SPPL2B: variants seen among roughly 807,000 people sequenced by gnomAD.
The protein encoded by SPPL2B is signal peptide peptidase-like 2B.
SPPL2B carries 39 observed loss-of-function variants against 59.7 expected under a neutral mutation model. The observed-to-expected ratio is 0.65, with a 90% CI of 0.51 to 0.85. The LOEUF (loss-of-function observed/expected upper bound fraction) is 0.85, where lower values mean the gene tolerates loss of function less well. Among genes scored for constraint, SPPL2B ranks in the 40% least tolerant of loss-of-function variants. The probability of loss-of-function intolerance (pLI) is 0.00; values close to 1 mark genes in which losing one functional copy is unlikely to be tolerated. For missense variants in SPPL2B, 865 were observed against 849.0 expected (o/e 1.02, Z -0.23); for synonymous variants, 419 against 370.8 (o/e 1.13, Z -1.49).
At position 2,344,077 on chromosome 19, in the gene SPPL2B, C is replaced by T. The variant is rs755858226; in HGVS notation, c.1113+38C>T. The stretch of plus-strand genomic sequence containing the variant: ...CTGTCCCTGCTCCACCCCATCACCC[C>T]GCTCCCCCGCCCCCTCGCAACCCCC... On this transcript the variant is annotated intron_variant, in intron 10 of 14. Coordinates refer to ENST00000613503, the MANE Select transcript of SPPL2B (RefSeq NM_152988.3). The T allele has an allele frequency of 1.0e-4, 145 of 1,427,142 alleles. 1 individual carries two copies. The highest frequency in any genetic ancestry group is 2.5e-4 in the Middle Eastern group (1 of 4,074). The allele number at this position is 1,427,142 out of a possible 1,614,324, so 88.4% of individuals were successfully genotyped here. A position where few individuals can be genotyped will look rare whatever the true frequency, so the allele number is the denominator to read the frequency against.
Position 2,337,582 on chromosome 19 carries a change from G to T in SPPL2B, c.326G>T (p.Gly109Val), listed in dbSNP as rs754719122. The change falls in exon 3 of 15, where the codon GGC becomes GTC. Residue 109 changes from glycine to valine, a missense_variant. Coordinates refer to ENST00000613503, the MANE Select transcript of SPPL2B (RefSeq NM_152988.3). ...TFYEKVRLAQ[G>V]SGARGLLIVS... is the part of the protein sequence containing the mutation. The stretch of plus-strand genomic sequence containing the variant: ...TATGAGAAAGTGAGGCTGGCCCAGG[G>T]CAGCGGAGCACGCGGGCTGCTCATC... The T allele has an allele frequency of 1.3e-5, 21 of 1,605,810 alleles. No homozygotes were observed. In the Admixed American group the frequency reaches 3.5e-4, roughly 27 times the overall value.
chr19:2,335,763 C>T (rs937011010), intron 2 of SPPL2B, among the ~76,000 whole-genome samples: 5 of 152,130 alleles, frequency 3.3e-5, no homozygotes, highest in African/African-American at 1.2e-4. Flanking sequence ...CCTCAGGCCC[C>T]GCCTCCTTTC....
intron 3 of SPPL2B, 189 bp from the exon 4 acceptor site, chr19:2,338,563 C>T (rs1007412894): frequency 1.3e-5 from 7 of 551,194 alleles, no homozygotes; most frequent in African/African-American, 7.7e-5. Flanking sequence ...TGATGCCCTT[C>T]GGCCTCCCTG....
In SPPL2B at chr19:2,341,007, G is replaced by A. The variant is rs763055209; in HGVS notation, c.949G>A (p.Glu317Lys). The A allele has an allele frequency of 1.2e-5, 20 of 1,603,408 alleles. No homozygotes were observed. The highest frequency in any genetic ancestry group is 4.4e-5 in the South Asian group (4 of 91,068). ...VSVVWGVFRN[E>K]DQWAWVLQDA... is the part of the protein sequence containing the mutation. The stretch of plus-strand genomic sequence containing the variant: ...CGTGGTGTGGGGCGTCTTCCGCAAC[G>A]AGGACCAGTAAGTGCTGCTTCCCCC... The change falls in exon 8 of 15, where the codon GAG (glutamate) becomes AAG (lysine). Residue 317 changes from glutamate (E) to lysine (K), a missense_variant. Coordinates refer to ENST00000613503, the MANE Select transcript of SPPL2B (RefSeq NM_152988.3).
intron 7 of SPPL2B, 104 bp from the exon 8 acceptor site, chr19:2,340,794 G>T: frequency 1.5e-6 from 1 of 645,710 alleles, no homozygotes; most frequent in East Asian, 2.7e-5. Context: ...CAGAGTGGGG[G>T]CTGCCACTCT....
At chr19:2,350,434 G>C (rs578163458) in intron 13 of SPPL2B, among the ~76,000 whole-genome samples, 1 of 147,818 alleles carries the variant, frequency 6.8e-6, no homozygotes, top group Non-Finnish European at 1.5e-5. Context: ...ACACACTCGC[G>C]CTCTCATTCG....
chr19:2,334,863 C>T (rs1968473329), intron 2 of SPPL2B, 142 bp downstream of exon 2: 3 of 1,124,236 alleles, frequency 2.7e-6, no homozygotes, highest in Non-Finnish European at 3.6e-6. Flanking sequence ...CTTAGCTGGC[C>T]CCCAGTTCCC....
At chr19:2,338,470 T>C (rs1485478675) in intron 3 of SPPL2B, 4 of 363,752 alleles carry the variant, frequency 1.1e-5, no homozygotes, top group South Asian at 3.6e-5. Flanking sequence ...AGGACTTGTA[T>C]GTGCGGTTCG....
At chr19:2,334,190 G>A (rs1241266239) in intron 1 of SPPL2B, among the ~76,000 whole-genome samples, 1 of 152,212 alleles carries the variant, frequency 6.6e-6, no homozygotes, top group Non-Finnish European at 1.5e-5. Context: ...CCCAGGCTGG[G>A]GGCCAGGTCC....
At chr19:2,341,064 C>A in intron 8 of SPPL2B, 50 bp downstream of exon 8, 1 of 1,305,770 alleles carries the variant, frequency 7.7e-7, no homozygotes, top group Non-Finnish European at 1.1e-6. Context: ...TCCTCGGGTG[C>A]ACCAGGGCTC....
chr19:2,328,846 G>T (rs1968128363), intron 1 of SPPL2B, 71 bp downstream of exon 1: 4 of 1,264,286 alleles, frequency 3.2e-6, no homozygotes, highest in Non-Finnish European at 4.0e-6. Flanking sequence ...CGGGCTACGC[G>T]CAGGAACGAC....
intron 1 of SPPL2B, 79 bp downstream of exon 1, chr19:2,328,854 G>A: frequency 8.2e-7 from 1 of 1,224,644 alleles, no homozygotes; most frequent in South Asian, 2.3e-5. Flanking sequence ...GCGCAGGAAC[G>A]ACCCCGCTCG....
chr19:2,340,642 C>G, intron 7 of SPPL2B: 1 of 566,142 alleles, frequency 1.8e-6, no homozygotes, highest in Non-Finnish European at 3.2e-6. Context: ...CAGGCAGGGC[C>G]TCGGGCGAAG....
chr19:2,348,049 T>C (rs1969573869), intron 13 of SPPL2B, among the ~76,000 whole-genome samples: 1 of 88,842 alleles, frequency 1.1e-5, no homozygotes. Context: ...TCACGCGCTC[T>C]CATTCGCTTG....
rs946192672 is a variant in SPPL2B, at chr19:2,332,454, C to T, written c.67-2148C>T. ...CAGAGCTGCGTCTGCACTGTTTTCC[C>T]TTGTGGCGTTGTGGTGTCGGCCCGT... is the stretch of plus-strand genomic sequence containing the variant. On this transcript the variant is annotated intron_variant, in intron 1 of 14. Coordinates refer to ENST00000613503, the MANE Select transcript of SPPL2B (RefSeq NM_152988.3). The surrounding 1 kb of genome is among the most constrained non-coding windows in gnomAD (Gnocchi z 4.6). Among the ~76,000 whole-genome samples, 1 of 152,222 alleles carries T rather than the reference C, an allele frequency of 6.6e-6. No individual in the cohort carries two copies. Among genetic ancestry groups the T allele is most frequent in the Non-Finnish European group, 1.5e-5 (1 of 68,028 alleles).
chr19:2,344,217 A>T (rs1368919537), intron 10 of SPPL2B, 145 bp from the exon 11 acceptor site: 1 of 424,290 alleles, frequency 2.4e-6, no homozygotes, highest in Non-Finnish European at 4.2e-6. Flanking sequence ...CCACCCCATC[A>T]CCCTGCTCCC....
intron 3 of SPPL2B, 55 bp from the exon 4 acceptor site, chr19:2,338,697 G>T: frequency 7.8e-7 from 1 of 1,282,820 alleles, no homozygotes; most frequent in South Asian, 1.2e-5. Context: ...CACAGAGCTG[G>T]GGGCCCACCC....
chr19:2,346,549 C>G (rs114382340), intron 13 of SPPL2B, among the ~76,000 whole-genome samples: 1 of 152,060 alleles, frequency 6.6e-6, no homozygotes, highest in Non-Finnish European at 1.5e-5. Flanking sequence ...TGCCTGTAGC[C>G]CCAGCTACTC....
intron 9 of SPPL2B, 141 bp downstream of exon 9, chr19:2,343,433 G>A: frequency 1.3e-6 from 1 of 756,960 alleles, no homozygotes; most frequent in Admixed American, 2.4e-5. Context: ...GGCCTGTTGT[G>A]AAGGGTGGGG....
Sources: gnomAD v4.1 joint callset for allele counts (sites outside exome capture counted in the v4.1 genomes callset) on GRCh38, gnomAD v4.1.1 for gene constraint, Gnocchi (gnomAD v3.1) non-coding constraint, MANE v1.5 for transcripts, NCBI Gene and HGNC (gene_info 2026-07-23, HGNC 2026-07-21) for gene names.